Variants in ATP6V0B observed in about 807,000 individuals in gnomAD.
The protein encoded by ATP6V0B is ATPase H+ transporting V0 subunit b, also known as V-type proton ATPase 21 kDa proteolipid subunit c''.
ATP6V0B carries 4 observed loss-of-function variants against 26.2 expected under a neutral mutation model. The ratio of observed to expected loss-of-function variants is 0.15; its 90% CI spans 0.08 to 0.35. The LOEUF (loss-of-function observed/expected upper bound fraction) is 0.35. Ranked by LOEUF, ATP6V0B falls within the 10% of genes least tolerant of loss-of-function variation. ATP6V0B has a pLI of 1.00. For missense variants in ATP6V0B, 175 were observed against 272.5 expected (o/e 0.64, Z 2.52); for synonymous variants, 110 against 105.8 (o/e 1.04, Z -0.24).
rs760904235 is a variant in ATP6V0B, at chr1:43,976,261, C to G, written c.201-41C>G. ...GTCTTAGGCATGCTGAGGGCAGTGACAGCTTGGGCTCTGCTCATCAGTTTT... is the reference window on the plus strand; with the variant it reads ...GTCTTAGGCATGCTGAGGGCAGTGAGAGCTTGGGCTCTGCTCATCAGTTTT... On this transcript the variant is annotated intron_variant, in intron 3 of 7. Coordinates refer to ENST00000472174, the MANE Select transcript of ATP6V0B (RefSeq NM_004047.5). This position sits in a 1 kb window ranked among gnomAD's most constrained non-coding sequence, Gnocchi z 4.6. 4 of 1,610,970 alleles carry G rather than the reference C, an allele frequency of 2.5e-6. No homozygotes were observed. The Admixed American group carries it at 6.7e-5, about 27-fold the overall frequency.
chr1:43,976,712 TC>T lies in ATP6V0B; in HGVS notation c.348+55del. The T allele has an allele frequency of 6.2e-7, 1 of 1,613,568 alleles. No individual in the cohort carries two copies. The highest frequency in any genetic ancestry group is 1.1e-5 in the South Asian group (1 of 91,036). ...ATCCATTCCAGTGTGTTCTACACAT[TC>T]CTTAGAGATTGGATGGGGTGCATCA... On this transcript the variant is annotated intron_variant, in intron 5 of 7. Coordinates refer to ENST00000472174, the MANE Select transcript of ATP6V0B (RefSeq NM_004047.5). The surrounding 1 kb of genome is among the most constrained non-coding windows in gnomAD (Gnocchi z 4.6).
Position 43,976,678 on chromosome 1 carries a change from G to A in ATP6V0B, c.348+19G>A, listed in dbSNP as rs1284014780. 1 of 1,614,062 alleles carries A rather than the reference G, an allele frequency of 6.2e-7. No homozygotes were observed. Among genetic ancestry groups the A allele is most frequent in the Non-Finnish European group, 8.5e-7 (1 of 1,179,934 alleles). On this transcript the variant is annotated intron_variant, in intron 5 of 7. Transcript: ENST00000472174. The surrounding 1 kb of genome is among the most constrained non-coding windows in gnomAD (Gnocchi z 4.6). ...GGCTGAGGTATGGAAGGCCAGGGTG[G>A]TGGCGGGAATCCATTCCAGTGTGTT...
At position 43,976,262 on chromosome 1, in the gene ATP6V0B, AGCTTGG is replaced by A. The variant is rs776584876; in HGVS notation, c.201-36_201-31del. On this transcript the variant is annotated intron_variant, in intron 3 of 7. Transcript: ENST00000472174. The surrounding 1 kb of genome is among the most constrained non-coding windows in gnomAD (Gnocchi z 4.6). ...TCTTAGGCATGCTGAGGGCAGTGAC[AGCTTGG>A]GCTCTGCTCATCAGTTTTTTATCCT... 1 of 1,610,874 alleles carries A rather than the reference AGCTTGG, an allele frequency of 6.2e-7. No individual in the cohort carries two copies. The highest frequency in any genetic ancestry group is 8.5e-7 in the Non-Finnish European group (1 of 1,177,190).
rs1021984547 is a variant in ATP6V0B at position 43,975,118 on chromosome 1, G to C, written c.67+11G>C. 1.4e-6 allele frequency: 2 copies of C among 1,412,632 alleles called. No homozygotes were observed. The highest frequency in any genetic ancestry group is 2.9e-5 in the East Asian group (1 of 34,074). The allele number at this position is 1,412,632 out of a possible 1,614,324, so 87.5% of individuals were successfully genotyped here. On this transcript the variant is annotated intron_variant, in intron 1 of 7. Transcript: ENST00000472174. ...GCGCGCTGGCCGTGGGTGAGGCCGG[G>C]TCCTGGCGGGCGGGAGCAGCATCGC...
In ATP6V0B at chr1:43,976,877, A is replaced by T. The variant is rs1217631334; in HGVS notation, c.400+53A>T. The T allele has an allele frequency of 2.5e-6, 4 of 1,607,342 alleles. No individual in the cohort carries two copies. The highest frequency in any genetic ancestry group is 3.4e-6 in the Non-Finnish European group (4 of 1,174,940). On this transcript the variant is annotated intron_variant, in intron 6 of 7. Transcript: ENST00000472174. The surrounding 1 kb of genome is among the most constrained non-coding windows in gnomAD (Gnocchi z 4.6). ...ATGCTGGGACTTCATGCCTGCTTCC[A>T]CTCTCCCCCATCCCAGCTTGGGCCA...
At position 43,978,133 on chromosome 1, in the gene ATP6V0B, G is replaced by A. The variant is rs1015349464; in HGVS notation, c.*126G>A. On this transcript the variant is annotated 3_prime_UTR_variant, in exon 8 of 8. Coordinates refer to ENST00000472174, the MANE Select transcript of ATP6V0B (RefSeq NM_004047.5). ...AGGGCCCTCCCTGCACTCCCCTCTT[G>A]CTGCGTGTTGATTTGGAGGCACTGC... The A allele has an allele frequency of 7.2e-7, 1 of 1,388,402 alleles. No homozygotes were observed. The highest frequency in any genetic ancestry group is 1.0e-6 in the Non-Finnish European group (1 of 983,138). 86.0% of individuals were successfully genotyped at this position (1,388,402 alleles called of 1,614,324 possible). A position where few individuals can be genotyped will look rare whatever the true frequency, so the allele number is the denominator to read the frequency against.
intron 7 of ATP6V0B, 86 bp downstream of exon 7, chr1:43,977,302 C>T: frequency 6.2e-7 from 1 of 1,611,388 alleles, no homozygotes; most frequent in South Asian, 1.1e-5. Flanking sequence ...TGCTCTCCTT[C>T]TCTACCTATA....
Position 43,976,921 on chromosome 1 carries a change from A to G in ATP6V0B, c.400+97A>G. ...TGGGCCATCATTTTGATATTCTCTCACCTACTTTTTCTGCTTTGCAGAGTG... is the reference window on the plus strand; with the variant it reads ...TGGGCCATCATTTTGATATTCTCTCGCCTACTTTTTCTGCTTTGCAGAGTG... On this transcript the variant is annotated intron_variant, in intron 6 of 7. Transcript: ENST00000472174. This position sits in a 1 kb window ranked among gnomAD's most constrained non-coding sequence, Gnocchi z 4.6. The G allele has an allele frequency of 6.2e-7, 1 of 1,601,090 alleles. No homozygotes were observed.
chr1:43,977,498 C>T lies in ATP6V0B; in HGVS notation c.591+282C>T, dbSNP rs2085535034. On this transcript the variant is annotated intron_variant, in intron 7 of 7. Coordinates refer to ENST00000472174, the MANE Select transcript of ATP6V0B (RefSeq NM_004047.5). The stretch of plus-strand genomic sequence containing the variant: ...CCCTCTTTCTGTTCTCTCATTTTAT[C>T]TGCCATGCTTTTCATGTCTCCAGTC... The T allele has an allele frequency of 4.9e-6, 7 of 1,430,656 alleles. No individual in the cohort carries two copies. In the South Asian group the frequency reaches 6.2e-5, roughly 13 times the overall value. 88.6% of individuals were successfully genotyped at this position (1,430,656 alleles called of 1,614,324 possible).
chr1:43,977,298 CCTT>C (rs2085531454), intron 7 of ATP6V0B, 82 bp downstream of exon 7: 3 of 1,612,070 alleles, frequency 1.9e-6, no homozygotes, highest in African/African-American at 1.3e-5. Flanking sequence ...GAAGTGCTCT[CCTT>C]CTCTACCTAT....
chr1:43,977,669 C>CT, intron 7 of ATP6V0B: 1 of 1,423,754 alleles, frequency 7.0e-7, no homozygotes, highest in South Asian at 1.6e-5. Context: ...TGTGTCTAGT[C>CT]TGTCTGACAG....
rs2085516105 is a variant in ATP6V0B, at chr1:43,976,066, CT to C, written c.117-21del. On this transcript the variant is annotated intron_variant, in intron 2 of 7. Coordinates refer to ENST00000472174, the MANE Select transcript of ATP6V0B (RefSeq NM_004047.5). This position sits in a 1 kb window ranked among gnomAD's most constrained non-coding sequence, Gnocchi z 4.6. ...CCGCTTCCCTGCTAGAGCTGAACTG[CT>C]TTCTTCTCTGCTTCCACAACAGGTT... 2 of 1,610,810 alleles carry C rather than the reference CT, an allele frequency of 1.2e-6. No homozygotes were observed. The highest frequency in any genetic ancestry group is 4.5e-5 in the East Asian group (2 of 44,866).
chr1:43,975,305 C>A (rs1367320277), intron 1 of ATP6V0B, 198 bp downstream of exon 1: 5 of 585,690 alleles, frequency 8.5e-6, no homozygotes, highest in Admixed American at 5.7e-5. Context: ...GGGGTGCGGG[C>A]GGGTAGGGGC....
Position 43,978,192 on chromosome 1 carries a change from C to A in ATP6V0B, c.*185C>A. The A allele has an allele frequency of 1.3e-6, 1 of 769,328 alleles. No homozygotes were observed. The highest frequency in any genetic ancestry group is 2.6e-5 in the East Asian group (1 of 39,210). 47.7% of individuals were successfully genotyped at this position (769,328 alleles called of 1,614,324 possible). ...CCGAGTCCTCAGTGCGGGGAGCAGG[C>A]TGCTGCTGCTGACTCTGTGCAGCTG... On this transcript the variant is annotated 3_prime_UTR_variant, in exon 8 of 8. Transcript: ENST00000472174.
At position 43,977,377 on chromosome 1, in the gene ATP6V0B, G is replaced by A. The variant is rs114910060; in HGVS notation, c.591+161G>A. 849 of 1,527,702 alleles carry A rather than the reference G, an allele frequency of 5.6e-4. 1 individual carries two copies. In the African/African-American group the frequency reaches 9.8e-3, roughly 18 times the overall value. The allele number at this position is 1,527,702 out of a possible 1,614,324, so 94.6% of individuals were successfully genotyped here. The stretch of plus-strand genomic sequence containing the variant: ...CATCTTCTGGTTTTCTCCTACAGGG[G>A]CTCTCTATTTTTGTCTCTGATTTGG... On this transcript the variant is annotated intron_variant, in intron 7 of 7. Transcript: ENST00000472174.
chr1:43,976,941 A>G lies in ATP6V0B; in HGVS notation c.401-85A>G. The G allele has an allele frequency of 6.2e-7, 1 of 1,602,626 alleles. No individual in the cohort carries two copies. Among genetic ancestry groups the G allele is most frequent in the Non-Finnish European group, 8.5e-7 (1 of 1,170,406 alleles). On this transcript the variant is annotated intron_variant, in intron 6 of 7. Transcript: ENST00000472174. This position sits in a 1 kb window ranked among gnomAD's most constrained non-coding sequence, Gnocchi z 4.6. ...CTCTCACCTACTTTTTCTGCTTTGCAGAGTGGGGATGGTGATTGGCCCCAT... is the reference window on the plus strand; with the variant it reads ...CTCTCACCTACTTTTTCTGCTTTGCGGAGTGGGGATGGTGATTGGCCCCAT...
chr1:43,975,678 TG>T (rs1376600054), intron 1 of ATP6V0B, 121 bp from the exon 2 acceptor site: 8 of 1,085,446 alleles, frequency 7.4e-6, no homozygotes, highest in Admixed American at 1.8e-5. Flanking sequence ...TACTGTCACC[TG>T]GGGGCAGCCT....
chr1:43,977,433 C>T (rs1247838338), intron 7 of ATP6V0B: 9 of 1,463,612 alleles, frequency 6.1e-6, no homozygotes, highest in East Asian at 2.5e-5. Context: ...TTCTTTTTCC[C>T]CCCTTTCTAA....
At position 43,975,243 on chromosome 1, in the gene ATP6V0B, C is replaced by T. The variant is rs1472384650; in HGVS notation, c.67+136C>T. The T allele has an allele frequency of 9.0e-6, 10 of 1,117,172 alleles. No homozygotes were observed. The Admixed American group carries it at 1.7e-4, about 19-fold the overall frequency. 69.2% of individuals were successfully genotyped at this position (1,117,172 alleles called of 1,614,324 possible). A position where few individuals can be genotyped will look rare whatever the true frequency, so the allele number is the denominator to read the frequency against. ...CCGAGGCTCTGGGGACTTGCGCCTG[C>T]GAGGGCCTCTGACTCCGACAAAGGA... On this transcript the variant is annotated intron_variant, in intron 1 of 7. Transcript: ENST00000472174.
Sources: allele counts gnomAD v4.1 joint callset, GRCh38; gene constraint gnomAD v4.1.1; non-coding constraint Gnocchi (gnomAD v3.1); transcripts MANE v1.5; gene names NCBI Gene and HGNC (gene_info 2026-07-23, HGNC 2026-07-21).